The following OSBPL5 variants were observed in gnomAD, a reference collection of about 807,000 sequenced individuals.
OSBPL5 encodes the protein oxysterol binding protein like 5, also known as oxysterol-binding protein-related protein 5.
In OSBPL5, 71 loss-of-function variants were observed where a neutral mutation model predicts 111.2. The ratio of observed to expected loss-of-function variants is 0.64; its 90% CI spans 0.53 to 0.78. The LOEUF (loss-of-function observed/expected upper bound fraction) is 0.78. Ranked by LOEUF, OSBPL5 falls within the 30% of genes least tolerant of loss-of-function variation. The pLI is 0.00. For synonymous variants in OSBPL5, 549 were observed against 513.9 expected (o/e 1.07, Z -0.93); for missense variants, 1,210 against 1,189.3 (o/e 1.02, Z -0.26).
rs1590624505 is a variant in OSBPL5, at chr11:3,088,460, A to C, written c.2502-117T>G. On this transcript the variant is annotated intron_variant, in intron 21 of 21. Transcript: ENST00000263650. ...GGTGCTGGACACAGGGCCGAGGTGG[A>C]GATGGGATGGCCCTCCAGGGGCAAC... 7 of 1,204,342 alleles carry C rather than the reference A, an allele frequency of 5.8e-6. No individual in the cohort carries two copies. The East Asian group carries it at 2.2e-4, about 37-fold the overall frequency. 74.6% of individuals were successfully genotyped at this position (1,204,342 alleles called of 1,614,324 possible).
chr11:3,155,875 G>A (rs59766373), intron 1 of OSBPL5, among the ~76,000 whole-genome samples: 30,457 of 152,246 alleles, frequency 0.2, 3,077 homozygotes, highest in African/African-American at 0.22. Flanking sequence ...TGCTGGAACC[G>A]GCTGTGAGCA....
chr11:3,100,240 C>T lies in OSBPL5; in HGVS notation c.1539G>A (p.Ala513=), dbSNP rs181441297. The change falls in exon 14 of 22, where the codon GCG becomes GCA. Residue 513 remains alanine (A), a synonymous_variant. Transcript: ENST00000263650. ...KSRFYGNSLS[A]LLDGKATLTF... is the part of the protein sequence containing the mutation. Reference sequence around the variant, plus strand: ...TGAGCGTGGCTTTGCCGTCCAGCAGCGCCGACAGCGAGTTCCCTGCAGAGA... The same window carrying T: ...TGAGCGTGGCTTTGCCGTCCAGCAGTGCCGACAGCGAGTTCCCTGCAGAGA... The T allele has an allele frequency of 4.1e-5, 66 of 1,614,006 alleles. No homozygotes were observed. The Admixed American group carries it at 6.7e-4, about 16-fold the overall frequency.
intron 6 of OSBPL5, chr11:3,119,917 G>T: frequency 4.2e-6 from 2 of 479,534 alleles, no homozygotes; most frequent in Non-Finnish European, 7.4e-6. Flanking sequence ...GCACATCCAG[G>T]ATGCCCAATG....
chr11:3,162,016 C>T lies in OSBPL5; in HGVS notation c.-22+3200G>A, dbSNP rs927760083. On this transcript the variant is annotated intron_variant, in intron 1 of 21. Coordinates refer to ENST00000263650, the MANE Select transcript of OSBPL5 (RefSeq NM_020896.4). This position sits in a 1 kb window ranked among gnomAD's most constrained non-coding sequence, Gnocchi z 8.1. Reference sequence around the variant, plus strand: ...GGAGAGGAGAACAAGGGAAGGGAGACAGAGTGGAGGGGCATCTAGGGCCTG... The same window carrying T: ...GGAGAGGAGAACAAGGGAAGGGAGATAGAGTGGAGGGGCATCTAGGGCCTG... Among the ~76,000 whole-genome samples the T allele has an allele frequency of 3.3e-5, 5 of 151,492 alleles. No homozygotes were observed. Among genetic ancestry groups the T allele is most frequent in the Non-Finnish European group, 7.4e-5 (5 of 67,882 alleles).
At chr11:3,138,256 T>A (rs1285251065) in intron 1 of OSBPL5, among the ~76,000 whole-genome samples, 3 of 152,144 alleles carry the variant, frequency 2.0e-5, no homozygotes, top group Non-Finnish European at 4.4e-5. Flanking sequence ...CCACCAGCCC[T>A]AAGAAGCCCT....
Position 3,120,450 on chromosome 11 carries a change from G to C in OSBPL5, c.577C>G (p.Pro193Ala). 6.2e-7 allele frequency: 1 copy of C among 1,613,286 alleles called. No homozygotes were observed. Among genetic ancestry groups the C allele is most frequent in the Non-Finnish European group, 8.5e-7 (1 of 1,179,998 alleles). ...ACGGCCCAGACGGACTGATCCAGCG[G>C]GTGGAAGAGCTTGAAGCAGAAGCCG... ...KDGFCFKLFH[P>A]LDQSVWAVKG... Residue 193 changes from proline to alanine, a missense_variant, in exon 6 of 22, where the codon CCG becomes GCG. Transcript: ENST00000263650.
chr11:3,121,037 T>G lies in OSBPL5; in HGVS notation c.403-413A>C, dbSNP rs1414956886. 6.6e-6 allele frequency among the ~76,000 whole-genome samples: 1 copy of G among 151,268 alleles called. No homozygotes were observed. The highest frequency in any genetic ancestry group is 2.4e-5 in the African/African-American group (1 of 41,178). On this transcript the variant is annotated intron_variant, in intron 5 of 21. Coordinates refer to ENST00000263650, the MANE Select transcript of OSBPL5 (RefSeq NM_020896.4). This position sits in a 1 kb window ranked among gnomAD's most constrained non-coding sequence, Gnocchi z 4.3. ...AGGAACCAGCAATGAGTGGTGTGAC[T>G]TGTAACTGGCAGCTTTGTAGATTCT...
chr11:3,088,035 GCACACCTGGGCCC>G lies in OSBPL5; in HGVS notation c.*157_*169del, dbSNP rs1856930083. 2 of 559,352 alleles carry G rather than the reference GCACACCTGGGCCC, an allele frequency of 3.6e-6. No individual in the cohort carries two copies. Among genetic ancestry groups the G allele is most frequent in the Non-Finnish European group, 5.8e-6 (2 of 346,330 alleles). The allele number at this position is 559,352 out of a possible 1,614,324, so 34.6% of individuals were successfully genotyped here. ...GGCCAGTGCCCCTGAGAGGGGCCCA[GCACACCTGGGCCC>G]GCAGCGCCTTGTGGCCCCGGGTCCC... On this transcript the variant is annotated 3_prime_UTR_variant, in exon 22 of 22. Transcript: ENST00000263650.
chr11:3,099,132 T>G (rs1182448320), intron 14 of OSBPL5, among the ~76,000 whole-genome samples: 2 of 152,196 alleles, frequency 1.3e-5, no homozygotes, highest in Admixed American at 6.5e-5. Context: ...TATTGCCAAG[T>G]GAAAGACGCC....
chr11:3,100,375 C>G (rs1250287979), intron 13 of OSBPL5, 119 bp from the exon 14 acceptor site: 1 of 804,614 alleles, frequency 1.2e-6, no homozygotes, highest in African/African-American at 1.7e-5. Context: ...CTGGCACTTC[C>G]AGTGGTGTGT....
At chr11:3,114,591 A>ACT (rs774192603) in intron 7 of OSBPL5, among the ~76,000 whole-genome samples, 18,017 of 113,732 alleles carry the variant, frequency 0.16, 4,997 homozygotes, top group Non-Finnish European at 0.2. Flanking sequence ...TAGAACAATG[A>ACT]TTTTTTTTTT....
chr11:3,102,043 C>T (rs531112091), intron 12 of OSBPL5, 140 bp downstream of exon 12: 21 of 782,684 alleles, frequency 2.7e-5, no homozygotes, highest in South Asian at 2.2e-4. Context: ...ACAGCCCTTC[C>T]GGTGTGCAGG....
chr11:3,156,864 T>G (rs113378350), intron 1 of OSBPL5, among the ~76,000 whole-genome samples: 1 of 152,264 alleles, frequency 6.6e-6, no homozygotes, highest in South Asian at 2.1e-4. Flanking sequence ...GGCCCTGCAA[T>G]GGCCCATTTC....
rs1847085684 is a variant in OSBPL5 at position 3,165,215 on chromosome 11, C to T, written c.-22+1G>A. ...CGCCCCCCGGGCCGCCGCGCTCCTA[C>T]CTCCTACCGTGCCGCGAGCTCGGTG... is the stretch of plus-strand genomic sequence containing the variant. On this transcript the variant is annotated splice_donor_variant, in intron 1 of 21. Coordinates refer to ENST00000263650, the MANE Select transcript of OSBPL5 (RefSeq NM_020896.4). LOFTEE classifies it low-confidence loss of function (5UTR_SPLICE). The surrounding 1 kb of genome is among the most constrained non-coding windows in gnomAD (Gnocchi z 7.4). 6.6e-6 allele frequency: 1 copy of T among 150,902 alleles called. No individual in the cohort carries two copies. The highest frequency in any genetic ancestry group is 1.5e-5 in the Non-Finnish European group (1 of 67,568). The allele number at this position is 150,902 out of a possible 1,614,324, so 9.3% of individuals were successfully genotyped here. A position where few individuals can be genotyped will look rare whatever the true frequency, so the allele number is the denominator to read the frequency against.
chr11:3,087,875 A>G lies in OSBPL5; in HGVS notation c.*330T>C, dbSNP rs893031279. On this transcript the variant is annotated 3_prime_UTR_variant, in exon 22 of 22. Transcript: ENST00000263650. ...GCCCCCACAGGCCCTCCCACCCTAA[A>G]TCCATCCATCCCCCATGGCAAGTGG... is the stretch of plus-strand genomic sequence containing the variant. The G allele has an allele frequency of 4.8e-6, 1 of 208,746 alleles. No homozygotes were observed. Among genetic ancestry groups the G allele is most frequent in the South Asian group, 1.6e-4 (1 of 6,370 alleles). 12.9% of individuals were successfully genotyped at this position (208,746 alleles called of 1,614,324 possible).
chr11:3,160,346 G>T (rs1469924620), intron 1 of OSBPL5, among the ~76,000 whole-genome samples: 6 of 152,204 alleles, frequency 3.9e-5, no homozygotes, highest in Admixed American at 2.6e-4. Flanking sequence ...TAAACAACCC[G>T]ACTGCTGCGC....
At position 3,130,441 on chromosome 11, in the gene OSBPL5, T is replaced by G. The variant is rs1858786900; in HGVS notation, c.-21-1272A>C. Among the ~76,000 whole-genome samples the G allele has an allele frequency of 6.6e-6, 1 of 152,220 alleles. No homozygotes were observed. Among genetic ancestry groups the G allele is most frequent in the African/African-American group, 2.4e-5 (1 of 41,460 alleles). Reference sequence around the variant, plus strand: ...CTCAGACACACAGAGACTTTCCTGCTGTGGCTTCAGGAGTGGGCTGGGGGC... The same window carrying G: ...CTCAGACACACAGAGACTTTCCTGCGGTGGCTTCAGGAGTGGGCTGGGGGC... On this transcript the variant is annotated intron_variant, in intron 1 of 21. Coordinates refer to ENST00000263650, the MANE Select transcript of OSBPL5 (RefSeq NM_020896.4). This position sits in a 1 kb window ranked among gnomAD's most constrained non-coding sequence, Gnocchi z 4.5.
At position 3,093,396 on chromosome 11, in the gene OSBPL5, G is replaced by T. The variant is rs373969691; in HGVS notation, c.1946+131C>A. ...CAGGACACGTGATCTGCCACCAGGG[G>T]TGCACCAGGCCTGCCCTCCCTGCCA... On this transcript the variant is annotated intron_variant, in intron 17 of 21. Coordinates refer to ENST00000263650, the MANE Select transcript of OSBPL5 (RefSeq NM_020896.4). The T allele has an allele frequency of 5.5e-4, 746 of 1,362,558 alleles. 3 individuals carry two copies. The African/African-American group carries it at 9.5e-3, about 17-fold the overall frequency. The allele number at this position is 1,362,558 out of a possible 1,614,324, so 84.4% of individuals were successfully genotyped here.
At chr11:3,093,954 G>C in intron 15 of OSBPL5, 119 bp from the exon 16 acceptor site, 1 of 1,271,744 alleles carries the variant, frequency 7.9e-7, no homozygotes, top group East Asian at 2.5e-5. Flanking sequence ...CAGGAGGGAT[G>C]GACCCAACCC....
Sources: allele counts gnomAD v4.1 joint callset (sites outside exome capture counted in the v4.1 genomes callset), GRCh38; gene constraint gnomAD v4.1.1; non-coding constraint Gnocchi (gnomAD v3.1); transcripts MANE v1.5; gene names NCBI Gene and HGNC (gene_info 2026-07-23, HGNC 2026-07-21).